CCSER1: variants seen among roughly 807,000 people sequenced by gnomAD.
The protein encoded by CCSER1 is serine-rich coiled-coil domain-containing protein 1.
In CCSER1, 41 loss-of-function variants were observed where a neutral mutation model predicts 82.0. That is an observed-to-expected ratio of 0.50 (90% CI 0.39 to 0.65). The LOEUF (loss-of-function observed/expected upper bound fraction) is 0.65. CCSER1 is among the 30% of genes least tolerant of loss of function. The probability of loss-of-function intolerance (pLI) is 0.00; values close to 1 mark genes in which losing one functional copy is unlikely to be tolerated. For synonymous variants in CCSER1, 414 were observed against 383.9 expected (o/e 1.08, Z -0.92); for missense variants, 1,119 against 1,064.2 (o/e 1.05, Z -0.72).
intron 10 of CCSER1, among the ~76,000 whole-genome samples, chr4:91,402,226 C>CTG (rs1414958349): frequency 1.3e-5 from 2 of 152,016 alleles, no homozygotes; most frequent in East Asian, 1.9e-4. Flanking sequence ...TATCCTTTGC[C>CTG]CAGTTTTTGA....
At chr4:90,316,442 C>T (rs1345991790) in intron 3 of CCSER1, among the ~76,000 whole-genome samples, 1 of 152,064 alleles carries the variant, frequency 6.6e-6, no homozygotes, top group Non-Finnish European at 1.5e-5. Flanking sequence ...GTAAGAGATA[C>T]AAAAGAGGAA....
chr4:90,972,517 A>G (rs1735209087), intron 9 of CCSER1, among the ~76,000 whole-genome samples: 1 of 151,828 alleles, frequency 6.6e-6, no homozygotes, highest in South Asian at 2.1e-4. Context: ...GATGAAAGAA[A>G]TTGAAGATGA....
In CCSER1 at chr4:90,156,942, T is replaced by A. The variant is rs189671772; in HGVS notation, c.-42+29111T>A. ...TGATGTTAGCTGGTTATTTTGCTCGTTAGTTCATGCAGTTTCTTCCTAGCC... is the reference window on the plus strand; with the variant it reads ...TGATGTTAGCTGGTTATTTTGCTCGATAGTTCATGCAGTTTCTTCCTAGCC... On this transcript the variant is annotated intron_variant, in intron 1 of 10. Coordinates refer to ENST00000509176, the MANE Select transcript of CCSER1 (RefSeq NM_001145065.2). 3.3e-3 allele frequency among the ~76,000 whole-genome samples: 501 copies of A among 152,330 alleles called. 3 individuals carry two copies. The highest frequency in any genetic ancestry group is 0.012 in the African/African-American group (481 of 41,586).
intron 8 of CCSER1, among the ~76,000 whole-genome samples, chr4:90,819,987 G>C (rs1029507445): frequency 1.3e-5 from 2 of 152,150 alleles, no homozygotes; most frequent in Non-Finnish European, 2.9e-5. Context: ...TAAACAGAGA[G>C]GAAACTAGTT....
At chr4:90,128,415 C>T (rs1427440544) in intron 1 of CCSER1, among the ~76,000 whole-genome samples, 1 of 152,152 alleles carries the variant, frequency 6.6e-6, no homozygotes, top group Non-Finnish European at 1.5e-5. Flanking sequence ...AAGACCCTGC[C>T]CAGAGGCAGC....
At chr4:91,099,978 A>G (rs1724895048) in intron 10 of CCSER1, among the ~76,000 whole-genome samples, 1 of 152,200 alleles carries the variant, frequency 6.6e-6, no homozygotes, top group Non-Finnish European at 1.5e-5. Flanking sequence ...TCCTCCACAA[A>G]AGACAGCTTT....
rs1229881213 is a variant in CCSER1 at position 90,328,880 on chromosome 4, C to T, written c.1509+15833C>T. Among the ~76,000 whole-genome samples, 6 of 152,008 alleles carry T rather than the reference C, an allele frequency of 3.9e-5. No individual in the cohort carries two copies. The East Asian group carries it at 9.6e-4, about 24-fold the overall frequency. On this transcript the variant is annotated intron_variant, in intron 3 of 10. Transcript: ENST00000509176. Reference sequence around the variant, plus strand: ...GTTTTGACTATGACTTTAGAAAAAACGAAAATCTATAAAATACCTTTAGTG... The same window carrying T: ...GTTTTGACTATGACTTTAGAAAAAATGAAAATCTATAAAATACCTTTAGTG...
intron 1 of CCSER1, among the ~76,000 whole-genome samples, chr4:90,138,467 A>C (rs914595903): frequency 5.6e-4 from 85 of 152,312 alleles, no homozygotes; most frequent in African/African-American, 2.0e-3. Flanking sequence ...GCTATTTCAT[A>C]GACTGAAAAT....
intron 1 of CCSER1, among the ~76,000 whole-genome samples, chr4:90,234,000 A>G (rs1425952217): frequency 6.6e-6 from 1 of 152,172 alleles, no homozygotes; most frequent in Admixed American, 6.5e-5. Flanking sequence ...GGTTACTTTT[A>G]AAAATAAACA....
chr4:90,742,481 A>G lies in CCSER1; in HGVS notation c.2010+18490A>G, dbSNP rs117566890. Among the ~76,000 whole-genome samples the G allele has an allele frequency of 8.1e-4, 123 of 152,254 alleles. 2 individuals carry two copies. In the East Asian group the frequency reaches 0.02, roughly 25 times the overall value. On this transcript the variant is annotated intron_variant, in intron 7 of 10. Coordinates refer to ENST00000509176, the MANE Select transcript of CCSER1 (RefSeq NM_001145065.2). ...TTATGAATGTTATTAGTGCCCTTATAAAACAGGTCTCAGAAAATGCTCTCA... is the reference window on the plus strand; with the variant it reads ...TTATGAATGTTATTAGTGCCCTTATGAAACAGGTCTCAGAAAATGCTCTCA...
intron 4 of CCSER1, among the ~76,000 whole-genome samples, chr4:90,404,963 G>C (rs546512760): frequency 6.6e-6 from 1 of 151,968 alleles, no homozygotes; most frequent in Non-Finnish European, 1.5e-5. Context: ...ATTCTTTAAC[G>C]TTCCCAAAAG....
intron 5 of CCSER1, among the ~76,000 whole-genome samples, chr4:90,517,155 G>A (rs1029471997): frequency 1.3e-5 from 2 of 152,080 alleles, no homozygotes; most frequent in Non-Finnish European, 2.9e-5. Context: ...CATCTAACAC[G>A]AAGCCTATTT....
chr4:90,180,453 G>A (rs1224286623), intron 1 of CCSER1, among the ~76,000 whole-genome samples: 1 of 151,972 alleles, frequency 6.6e-6, no homozygotes, highest in Admixed American at 6.6e-5. Flanking sequence ...GCCAGGCCTG[G>A]TGGCAGGCAC....
intron 5 of CCSER1, among the ~76,000 whole-genome samples, chr4:90,519,996 G>T (rs1257566371): frequency 6.6e-6 from 1 of 151,916 alleles, no homozygotes; most frequent in African/African-American, 2.4e-5. Flanking sequence ...TACTCTCTTG[G>T]ATATAAATTT....
At chr4:91,269,827 C>T (rs1183997200) in intron 10 of CCSER1, among the ~76,000 whole-genome samples, 1 of 151,944 alleles carries the variant, frequency 6.6e-6, no homozygotes, top group East Asian at 1.9e-4. Context: ...AAATTCATAC[C>T]CCTTTAGATT....
chr4:90,197,418 C>T (rs1347250012), intron 1 of CCSER1, among the ~76,000 whole-genome samples: 1 of 152,108 alleles, frequency 6.6e-6, no homozygotes, highest in African/African-American at 2.4e-5. Flanking sequence ...ATTCAGCAAT[C>T]TCATTACTGG....
chr4:90,475,217 C>T (rs1006575363), intron 5 of CCSER1, among the ~76,000 whole-genome samples: 7 of 152,166 alleles, frequency 4.6e-5, no homozygotes, highest in Non-Finnish European at 1.0e-4. Context: ...TCCATCACTT[C>T]GTGCCTTCAA....
intron 1 of CCSER1, among the ~76,000 whole-genome samples, chr4:90,270,881 G>T (rs768367428): frequency 1.3e-5 from 2 of 151,958 alleles, no homozygotes; most frequent in African/African-American, 2.4e-5. Context: ...GAAAGTAATT[G>T]CATTTATAAT....
chr4:91,521,943 G>A (rs937340999), intron 10 of CCSER1, among the ~76,000 whole-genome samples: 23 of 152,154 alleles, frequency 1.5e-4, no homozygotes, highest in African/African-American at 5.6e-4. Flanking sequence ...TTTTAGACAT[G>A]AAGTCCTTGC....
Sources: gnomAD v4.1 joint callset for allele counts (sites outside exome capture counted in the v4.1 genomes callset) on GRCh38, gnomAD v4.1.1 for gene constraint, MANE v1.5 for transcripts, NCBI Gene and HGNC (gene_info 2026-07-23, HGNC 2026-07-21) for gene names.